SMYD3: variants seen among roughly 807,000 people sequenced by gnomAD.
SMYD3 encodes SET and MYND domain containing 3.
A neutral mutation model predicts 57.7 loss-of-function variants in SMYD3; 36 were observed. The observed-to-expected ratio is 0.62, with a 90% CI of 0.48 to 0.82. The LOEUF (loss-of-function observed/expected upper bound fraction) is 0.82. SMYD3 is among the 40% of genes least tolerant of loss of function. The pLI, the probability that SMYD3 is intolerant of heterozygous loss-of-function variation, is 0.00. For missense variants in SMYD3, 515 were observed against 538.8 expected, an observed-to-expected ratio of 0.96 and a Z score of 0.44; for synonymous variants, 211 against 195.0, an observed-to-expected ratio of 1.08 and a Z score of -0.68.
chr1:245,948,809 G>T (rs1404796174), intron 5 of SMYD3, among the ~76,000 whole-genome samples: 1 of 152,132 alleles, frequency 6.6e-6, no homozygotes. Flanking sequence ...CCTAGGACAG[G>T]TTAACCCACC....
chr1:245,879,068 C>T (rs968577288), intron 8 of SMYD3, among the ~76,000 whole-genome samples: 1 of 152,192 alleles, frequency 6.6e-6, no homozygotes, highest in Non-Finnish European at 1.5e-5. Context: ...CCCATCTCCC[C>T]ATTTCCATTT....
chr1:246,351,255 G>A, intron 2 of SMYD3, among the ~76,000 whole-genome samples: 1 of 152,126 alleles, frequency 6.6e-6, no homozygotes, highest in East Asian at 1.9e-4. Context: ...CAATTTGATG[G>A]AGTGCCTAAC....
chr1:245,937,503 G>A (rs1431307982), intron 5 of SMYD3, among the ~76,000 whole-genome samples: 1 of 152,176 alleles, frequency 6.6e-6, no homozygotes, highest in Non-Finnish European at 1.5e-5. Flanking sequence ...GATGAAACAA[G>A]CACTTACCAC....
chr1:246,503,796 C>G (rs2068494450), intron 1 of SMYD3, among the ~76,000 whole-genome samples: 1 of 151,988 alleles, frequency 6.6e-6, no homozygotes, highest in African/African-American at 2.4e-5. Context: ...AACCCCATCT[C>G]TACTAAAAAT....
At chr1:246,205,733 T>A (rs2062989635) in intron 5 of SMYD3, among the ~76,000 whole-genome samples, 1 of 146,722 alleles carries the variant, frequency 6.8e-6, no homozygotes, top group Non-Finnish European at 1.5e-5. Flanking sequence ...GGCAGGAGAA[T>A]CGCTTGAACC....
At chr1:246,206,093 A>T (rs1012759524) in intron 5 of SMYD3, among the ~76,000 whole-genome samples, 2 of 152,144 alleles carry the variant, frequency 1.3e-5, no homozygotes, top group Non-Finnish European at 2.9e-5. Flanking sequence ...TGAATAAAAT[A>T]ATATTCCTCC....
At chr1:245,790,636 T>C (rs1200196605) in intron 10 of SMYD3, among the ~76,000 whole-genome samples, 1 of 152,216 alleles carries the variant, frequency 6.6e-6, no homozygotes, top group Admixed American at 6.5e-5. Context: ...AGGGAGAGCC[T>C]CATTTCTGAA....
chr1:245,837,009 G>C (rs1417914147), intron 10 of SMYD3, among the ~76,000 whole-genome samples: 1 of 152,102 alleles, frequency 6.6e-6, no homozygotes, highest in Admixed American at 6.5e-5. Flanking sequence ...TATTTTGATA[G>C]TCAATTACCT....
chr1:246,214,782 T>C (rs1303426217), intron 5 of SMYD3, among the ~76,000 whole-genome samples: 9 of 152,092 alleles, frequency 5.9e-5, no homozygotes, highest in Non-Finnish European at 1.5e-5. Context: ...ATCTTCTGAA[T>C]ATGGAGGAAT....
rs2051418856 is a variant in SMYD3 at position 245,859,401 on chromosome 1, T to C, written c.902-731A>G. Among the ~76,000 whole-genome samples, 5 of 152,362 alleles carry C rather than the reference T, an allele frequency of 3.3e-5. No individual in the cohort carries two copies. The South Asian group carries it at 1.0e-3, about 32-fold the overall frequency. On this transcript the variant is annotated intron_variant, in intron 9 of 11. Coordinates refer to ENST00000490107, the MANE Select transcript of SMYD3 (RefSeq NM_001167740.2). ...TAAAAAGGATGGGGAGAAGACTCAA[T>C]GTCCACTTCTCAGTAACTGCCTTTC...
chr1:246,078,146 C>T (rs2060578097), intron 5 of SMYD3, among the ~76,000 whole-genome samples: 1 of 151,996 alleles, frequency 6.6e-6, no homozygotes. Context: ...AAAAATTTCT[C>T]CCCTGCCCCA....
chr1:246,383,009 C>T (rs967014694), intron 1 of SMYD3, among the ~76,000 whole-genome samples: 1 of 151,996 alleles, frequency 6.6e-6, no homozygotes, highest in Non-Finnish European at 1.5e-5. Flanking sequence ...CCCATGGACC[C>T]GGGGTCTAGT....
chr1:245,804,008 G>A (rs1427806463), intron 10 of SMYD3, among the ~76,000 whole-genome samples: 1 of 150,878 alleles, frequency 6.6e-6, no homozygotes, highest in Non-Finnish European at 1.5e-5. Context: ...CCGCCTCCCG[G>A]GTTCAAGGAT....
intron 10 of SMYD3, among the ~76,000 whole-genome samples, chr1:245,799,897 C>T (rs546520050): frequency 3.9e-4 from 59 of 152,208 alleles, no homozygotes; most frequent in African/African-American, 1.3e-3. Flanking sequence ...CACACCTGTC[C>T]ACCTGTCCAT....
intron 5 of SMYD3, among the ~76,000 whole-genome samples, chr1:246,236,277 C>T (rs1045120873): frequency 1.8e-4 from 28 of 152,152 alleles, no homozygotes. Context: ...GTTGCCGAGG[C>T]TGGCATGCCG....
At chr1:245,771,229 T>C (rs1161768712) in intron 10 of SMYD3, among the ~76,000 whole-genome samples, 1 of 151,830 alleles carries the variant, frequency 6.6e-6, no homozygotes, top group Non-Finnish European at 1.5e-5. Flanking sequence ...ATGCTAAGAA[T>C]TGCACAGAAA....
At chr1:246,370,092 C>G (rs562197318) in intron 1 of SMYD3, among the ~76,000 whole-genome samples, 3 of 152,130 alleles carry the variant, frequency 2.0e-5, no homozygotes, top group Non-Finnish European at 4.4e-5. Context: ...TGTCTGCAAC[C>G]CTCTAAACTA....
chr1:246,256,879 T>C (rs183134341), intron 5 of SMYD3, among the ~76,000 whole-genome samples: 1 of 151,620 alleles, frequency 6.6e-6, no homozygotes, highest in East Asian at 1.9e-4. Flanking sequence ...CTGTTTTCAT[T>C]TATTTAAATT....
chr1:246,297,339 C>T (rs1356161442), intron 5 of SMYD3, among the ~76,000 whole-genome samples: 1 of 151,990 alleles, frequency 6.6e-6, no homozygotes, highest in East Asian at 1.9e-4. Flanking sequence ...AAACAGGACA[C>T]AGAAAGAGAA....
Sources: gnomAD v4.1 joint callset for allele counts (sites outside exome capture counted in the v4.1 genomes callset) on GRCh38, gnomAD v4.1.1 for gene constraint, MANE v1.5 for transcripts, NCBI Gene and HGNC (gene_info 2026-07-23, HGNC 2026-07-21) for gene names.